The following STOX2 variants were observed in gnomAD, a reference collection of about 807,000 sequenced individuals.
STOX2 encodes storkhead-box protein 2.
STOX2 carries 28 observed loss-of-function variants against 60.9 expected under a neutral mutation model. The ratio of observed to expected loss-of-function variants is 0.46; its 90% CI spans 0.34 to 0.63. STOX2 has a LOEUF of 0.63. STOX2 is among the 30% of genes least tolerant of loss of function. The probability of loss-of-function intolerance (pLI) is 0.01; values close to 1 mark genes in which losing one functional copy is unlikely to be tolerated. For synonymous variants in STOX2, 472 were observed against 463.9 expected, an observed-to-expected ratio of 1.02 and a Z score of -0.22; for missense variants, 1,024 against 1,187.7, an observed-to-expected ratio of 0.86 and a Z score of 2.03.
chr4:184,010,082 A>G lies in STOX2; in HGVS notation c.1244A>G (p.Glu415Gly). 1.2e-6 allele frequency: 2 copies of G among 1,609,212 alleles called. No individual in the cohort carries two copies. The highest frequency in any genetic ancestry group is 1.7e-6 in the Non-Finnish European group (2 of 1,177,680). ...RVPREGCFII[E>G]HKGDNFIMHS... ...CCCAGGGAGGGCTGCTTCATCATTGAACACAAAGGAGATAACTTCATCATG... is the reference window on the plus strand; with the variant it reads ...CCCAGGGAGGGCTGCTTCATCATTGGACACAAAGGAGATAACTTCATCATG... The change falls in exon 3 of 4, where the codon GAA becomes GGA. Residue 415 changes from glutamate to glycine, a missense_variant. Glu to Gly is a moderately conservative substitution (Grantham distance 98). Transcript: ENST00000308497. The surrounding 1 kb of genome is among the most constrained non-coding windows in gnomAD (Gnocchi z 4.5).
chr4:183,840,038 CTGTG>C (rs1040807744), intron 1 of STOX2, among the ~76,000 whole-genome samples: 2 of 151,564 alleles, frequency 1.3e-5, no homozygotes, highest in South Asian at 4.2e-4. Context: ...TTCATGGACT[CTGTG>C]TGTGTGTGCG....
chr4:183,818,982 C>T lies in STOX2; in HGVS notation c.364+20927C>T, dbSNP rs574459771. 4.3e-4 allele frequency among the ~76,000 whole-genome samples: 65 copies of T among 151,638 alleles called. 1 individual carries two copies. In the South Asian group the frequency reaches 7.1e-3, roughly 17 times the overall value. The stretch of plus-strand genomic sequence containing the variant: ...GCAGAGGGGCTCCTCACATCTCAGA[C>T]GATGGGTGGCCGGGCAGAGACCCTC... On this transcript the variant is annotated intron_variant, in intron 1 of 2. Transcript: ENST00000513034.
chr4:184,009,777 A>T lies in STOX2; in HGVS notation c.939A>T (p.Glu313Asp). 1 of 1,613,268 alleles carries T rather than the reference A, an allele frequency of 6.2e-7. No individual in the cohort carries two copies. The highest frequency in any genetic ancestry group is 8.5e-7 in the Non-Finnish European group (1 of 1,179,640). Reference sequence around the variant, plus strand: ...CGATCCCTCGGGAAGTAGAGATGGAAATCATTAGGCGCATTAACCCAGACC... The same window carrying T: ...CGATCCCTCGGGAAGTAGAGATGGATATCATTAGGCGCATTAACCCAGACC... ...PATIPREVEM[E>D]IIRRINPDLT... Residue 313 changes from glutamate (E) to aspartate (D), a missense_variant, in exon 3 of 4, where the codon GAA becomes GAT. Around this residue, in one of 3 missense-constraint regions of STOX2, gnomAD observed 922 missense variants for 1,058.3 expected, o/e 0.87. Transcript: ENST00000308497. This position sits in a 1 kb window ranked among gnomAD's most constrained non-coding sequence, Gnocchi z 4.0.
intron 1 of STOX2, among the ~76,000 whole-genome samples, chr4:183,942,804 A>T (rs1742787912): frequency 6.6e-6 from 1 of 152,100 alleles, no homozygotes; most frequent in Non-Finnish European, 1.5e-5. Context: ...TTTAAAAAAA[A>T]ACTTTTTTAA....
intron 1 of STOX2, among the ~76,000 whole-genome samples, chr4:183,927,525 G>A (rs1304992407): frequency 1.3e-5 from 2 of 151,238 alleles, no homozygotes; most frequent in Admixed American, 1.3e-4. Context: ...TTTTTGAGGT[G>A]GGAAAGACTT....
At chr4:183,923,205 G>A (rs773882000) in intron 1 of STOX2, among the ~76,000 whole-genome samples, 62 of 152,176 alleles carry the variant, frequency 4.1e-4, no homozygotes, top group Non-Finnish European at 4.1e-4. Context: ...CCACCAAACC[G>A]TTTTTCACAG....
rs562524429 is a variant in STOX2, at chr4:183,807,076, C to T, written c.364+9021C>T. 2.2e-3 allele frequency among the ~76,000 whole-genome samples: 337 copies of T among 152,172 alleles called. 5 individuals carry two copies. Among genetic ancestry groups the T allele is most frequent in the Admixed American group, 0.016 (244 of 15,278 alleles). The stretch of plus-strand genomic sequence containing the variant: ...CAAGCTCCGTCTCCCGGGTTCACGC[C>T]ATTCTCCTGCTTCAGCCTCCCGAGT... On this transcript the variant is annotated intron_variant, in intron 1 of 2. Coordinates refer to the STOX2 transcript ENST00000513034.
rs946209749 is a variant in STOX2 at position 184,001,133 on chromosome 4, C to G, written c.167-192C>G. ...GTTGAGGCAGTAGGAGCTTCCACTG[C>G]GTGTGGAAGTCTTTCCACCTGAGTG... On this transcript the variant is annotated intron_variant, in intron 1 of 3. Coordinates refer to ENST00000308497, the MANE Select transcript of STOX2 (RefSeq NM_020225.3). This position sits in a 1 kb window ranked among gnomAD's most constrained non-coding sequence, Gnocchi z 4.2. Among the ~76,000 whole-genome samples the G allele has an allele frequency of 6.6e-6, 1 of 152,124 alleles. No individual in the cohort carries two copies. The highest frequency in any genetic ancestry group is 1.5e-5 in the Non-Finnish European group (1 of 68,028).
At chr4:183,808,070 C>A (rs1320034356) in intron 1 of STOX2, among the ~76,000 whole-genome samples, 1 of 152,210 alleles carries the variant, frequency 6.6e-6, no homozygotes, top group East Asian at 1.9e-4. Flanking sequence ...ACTGTCCAGT[C>A]TGGACGAATC....
Position 183,944,006 on chromosome 4 carries a change from C to G in STOX2, c.166+37050C>G, listed in dbSNP as rs1340750297. 1.3e-5 allele frequency among the ~76,000 whole-genome samples: 2 copies of G among 152,242 alleles called. 1 individual carries two copies. The highest frequency in any genetic ancestry group is 3.8e-4 in the East Asian group (2 of 5,200). On this transcript the variant is annotated intron_variant, in intron 1 of 3. Coordinates refer to ENST00000308497, the MANE Select transcript of STOX2 (RefSeq NM_020225.3). ...AAGATGTCTCAAAGTCAGTCCTGCT[C>G]TGGAGAAACCCATGGCTCAGTACAG...
At chr4:183,914,640 T>C (rs1282501765) in intron 1 of STOX2, among the ~76,000 whole-genome samples, 1 of 152,104 alleles carries the variant, frequency 6.6e-6, no homozygotes, top group Non-Finnish European at 1.5e-5. Context: ...GCGGCAGTGT[T>C]CGTTGTGAAC....
intron 1 of STOX2, among the ~76,000 whole-genome samples, chr4:183,950,377 T>C (rs1043110901): frequency 6.6e-6 from 1 of 151,822 alleles, no homozygotes; most frequent in Non-Finnish European, 1.5e-5. Flanking sequence ...GACTCAAACA[T>C]GAAGGAAATA....
At chr4:183,928,706 A>G (rs1029632578) in intron 1 of STOX2, among the ~76,000 whole-genome samples, 1 of 151,998 alleles carries the variant, frequency 6.6e-6, no homozygotes, top group South Asian at 2.1e-4. Flanking sequence ...CTGAGACAGG[A>G]GGGGATTAAC....
chr4:183,887,513 C>T (rs767493922), intron 1 of STOX2, among the ~76,000 whole-genome samples: 26 of 152,156 alleles, frequency 1.7e-4, no homozygotes, highest in Non-Finnish European at 2.6e-4. Flanking sequence ...CAGACATATC[C>T]CTACTAATGA....
In STOX2 at chr4:183,808,189, G is replaced by A. The variant is rs558693569; in HGVS notation, c.364+10134G>A. Among the ~76,000 whole-genome samples the A allele has an allele frequency of 9.8e-5, 15 of 152,318 alleles. No individual in the cohort carries two copies. In the South Asian group the frequency reaches 2.9e-3, roughly 29 times the overall value. On this transcript the variant is annotated intron_variant, in intron 1 of 2. Transcript: ENST00000513034. ...GATACAGCTCAGTGAACTCTGCGGCGCTTCTGGAAAGAAATCCAGTTCTCT... is the reference window on the plus strand; with the variant it reads ...GATACAGCTCAGTGAACTCTGCGGCACTTCTGGAAAGAAATCCAGTTCTCT...
At chr4:184,007,045 A>AC (rs140195898) in intron 2 of STOX2, among the ~76,000 whole-genome samples, 23,280 of 118,464 alleles carry the variant, frequency 0.2, 3,729 homozygotes, top group African/African-American at 0.38. Context: ...AAACAAAAAA[A>AC]AAATTTTGTT....
intron 1 of STOX2, among the ~76,000 whole-genome samples, chr4:183,929,547 A>AG (rs1181643077): frequency 6.6e-6 from 1 of 152,202 alleles, no homozygotes; most frequent in Non-Finnish European, 1.5e-5. Flanking sequence ...ACCTTAAGTG[A>AG]GACTGAGAAA....
At position 184,021,625 on chromosome 4, in the gene STOX2, G is replaced by C. The variant is rs1224633704; in HGVS notation, c.*4341G>C. 1 of 152,192 alleles carries C rather than the reference G, an allele frequency of 6.6e-6. No homozygotes were observed. The highest frequency in any genetic ancestry group is 6.5e-5 in the Admixed American group (1 of 15,278). The allele number at this position is 152,192 out of a possible 1,614,324, so 9.4% of individuals were successfully genotyped here. A position where few individuals can be genotyped will look rare whatever the true frequency, so the allele number is the denominator to read the frequency against. On this transcript the variant is annotated 3_prime_UTR_variant, in exon 4 of 4. Coordinates refer to ENST00000308497, the MANE Select transcript of STOX2 (RefSeq NM_020225.3). ...CTATAGTTCCCGTGCTAAATCACCAGCTTTCAGGAACATGACTGCTCCTGG... is the reference window on the plus strand; with the variant it reads ...CTATAGTTCCCGTGCTAAATCACCACCTTTCAGGAACATGACTGCTCCTGG...
At chr4:183,980,522 G>A (rs1169468792) in intron 1 of STOX2, among the ~76,000 whole-genome samples, 1 of 152,086 alleles carries the variant, frequency 6.6e-6, no homozygotes, top group African/African-American at 2.4e-5. Flanking sequence ...CCCTGAACTG[G>A]GTGTTCCATT....
Sources: allele counts gnomAD v4.1 joint callset (sites outside exome capture counted in the v4.1 genomes callset), GRCh38; gene constraint gnomAD v4.1.1; regional missense constraint gnomAD v4.1.1; non-coding constraint Gnocchi (gnomAD v3.1); transcripts MANE v1.5; gene names NCBI Gene and HGNC (gene_info 2026-07-23, HGNC 2026-07-21).